CPPED1: variants seen among roughly 807,000 people sequenced by gnomAD.
CPPED1 encodes calcineurin like phosphoesterase domain containing 1, also known as serine/threonine-protein phosphatase CPPED1.
A neutral mutation model predicts 28.0 loss-of-function variants in CPPED1; 28 were observed. That is an observed-to-expected ratio of 1.00 (90% CI 0.74 to 1.37). CPPED1 has a LOEUF of 1.37. Among genes scored for constraint, CPPED1 ranks in the 40% most tolerant of loss-of-function variants. The probability of loss-of-function intolerance (pLI) is 0.00; values close to 1 mark genes in which losing one functional copy is unlikely to be tolerated. For synonymous variants in CPPED1, 198 were observed against 180.2 expected (o/e 1.10, Z -0.79); for missense variants, 504 against 416.5 (o/e 1.21, Z -1.83).
At chr16:12,795,419 A>G (rs564704919) in intron 1 of CPPED1, among the ~76,000 whole-genome samples, 49 of 152,048 alleles carry the variant, frequency 3.2e-4, no homozygotes, top group Non-Finnish European at 5.0e-4. Context: ...GGCTCACTGC[A>G]AACTCCGCCT....
chr16:12,676,758 T>G (rs1415751369), intron 3 of CPPED1, among the ~76,000 whole-genome samples: 7 of 152,084 alleles, frequency 4.6e-5, no homozygotes, highest in Non-Finnish European at 1.5e-5. Flanking sequence ...ATGGTGGTAA[T>G]AATAATAATG....
chr16:12,724,101 G>A (rs1025563910), intron 2 of CPPED1, among the ~76,000 whole-genome samples: 1 of 152,134 alleles, frequency 6.6e-6, no homozygotes, highest in African/African-American at 2.4e-5. Flanking sequence ...CCGGCCCCCA[G>A]GTTCCCTCTG....
chr16:12,714,784 A>AG (rs148253196), intron 2 of CPPED1, among the ~76,000 whole-genome samples: 5,149 of 152,258 alleles, frequency 0.034, 131 homozygotes, highest in East Asian at 0.1. Flanking sequence ...GAGGTACAAA[A>AG]TATTCAAGTT....
chr16:12,693,419 G>C (rs6498351), intron 3 of CPPED1, among the ~76,000 whole-genome samples: 30,490 of 151,978 alleles, frequency 0.2, 5,206 homozygotes, highest in African/African-American at 0.47. Flanking sequence ...TGGTCTCGAA[G>C]TCCTGGGCTC....
chr16:12,803,736 CT>C lies in CPPED1; in HGVS notation c.40del (p.Arg14GlyfsTer32). 1.3e-6 allele frequency: 2 copies of C among 1,596,152 alleles called. No individual in the cohort carries two copies. Among genetic ancestry groups the C allele is most frequent in the Non-Finnish European group, 1.7e-6 (2 of 1,172,746 alleles). ...AEAGGVFHRA[R>X]GRTLAAFPAE... ...GGGAAACGCGGCCAGGGTCCTGCCC[CT>C]GGCTCTGTGGAAAACACCCCCCGCC... is the stretch of plus-strand genomic sequence containing the variant. On this transcript the variant is annotated frameshift_variant, in exon 1 of 4. Coordinates refer to ENST00000381774, the MANE Select transcript of CPPED1 (RefSeq NM_018340.3). LOFTEE classifies it high-confidence loss of function.
intron 3 of CPPED1, among the ~76,000 whole-genome samples, chr16:12,687,533 G>A (rs1162627124): frequency 2.0e-5 from 3 of 152,188 alleles, no homozygotes; most frequent in Non-Finnish European, 4.4e-5. Flanking sequence ...CACTTTGGGA[G>A]GCTGAGGTGG....
chr16:12,790,326 CAATGTT>C (rs2080588698), intron 1 of CPPED1, among the ~76,000 whole-genome samples: 1 of 152,140 alleles, frequency 6.6e-6, no homozygotes, highest in Non-Finnish European at 1.5e-5. Context: ...GCATATTTGT[CAATGTT>C]AATGAAAGCT....
chr16:12,675,323 A>G (rs1032528116), intron 3 of CPPED1, among the ~76,000 whole-genome samples: 3 of 152,200 alleles, frequency 2.0e-5, no homozygotes, highest in African/African-American at 7.2e-5. Flanking sequence ...CTGTAAGGAG[A>G]TGACAGGCAT....
At chr16:12,675,965 A>G (rs935306355) in intron 3 of CPPED1, among the ~76,000 whole-genome samples, 1 of 152,200 alleles carries the variant, frequency 6.6e-6, no homozygotes, top group African/African-American at 2.4e-5. Context: ...CCAGGGGGCA[A>G]AGGGGAAGCG....
At chr16:12,768,590 A>G (rs973808865) in intron 2 of CPPED1, among the ~76,000 whole-genome samples, 1 of 152,234 alleles carries the variant, frequency 6.6e-6, no homozygotes, top group Non-Finnish European at 1.5e-5. Flanking sequence ...GAACAAGAGT[A>G]TGTGCGTATG....
intron 2 of CPPED1, among the ~76,000 whole-genome samples, chr16:12,774,923 C>G (rs1324470498): frequency 6.6e-6 from 1 of 152,126 alleles, no homozygotes; most frequent in Non-Finnish European, 1.5e-5. Flanking sequence ...CAGGTTCAAG[C>G]AATCCTCTCG....
intron 2 of CPPED1, chr16:12,780,956 C>T (rs2080526746): frequency 1.8e-6 from 1 of 550,718 alleles, no homozygotes; most frequent in Non-Finnish European, 3.2e-6. Context: ...AAGCTCAAAT[C>T]ATCAGAACTG....
At chr16:12,681,598 T>C (rs2079905203) in intron 3 of CPPED1, among the ~76,000 whole-genome samples, 1 of 152,158 alleles carries the variant, frequency 6.6e-6, no homozygotes, top group Admixed American at 6.5e-5. Flanking sequence ...TAATTAAAAC[T>C]AAGAATGTGG....
chr16:12,714,927 C>A (rs2080099456), intron 2 of CPPED1, among the ~76,000 whole-genome samples: 1 of 151,418 alleles, frequency 6.6e-6, no homozygotes, highest in African/African-American at 2.4e-5. Context: ...CTAGTTTTAG[C>A]TCTTCTTTGG....
intron 2 of CPPED1, among the ~76,000 whole-genome samples, chr16:12,724,440 G>A (rs1055081937): frequency 1.3e-5 from 2 of 152,132 alleles, no homozygotes; most frequent in African/African-American, 2.4e-5. Context: ...TGAGTGGCCC[G>A]TGCAATCCAT....
In CPPED1 at chr16:12,670,655, CAGTCTAATCCAGAGAAAAACATCAG is replaced by C. The variant is rs930123532; in HGVS notation, c.716-5565_716-5541del. Among the ~76,000 whole-genome samples the C allele has an allele frequency of 1.2e-4, 18 of 152,150 alleles. No individual in the cohort carries two copies. The highest frequency in any genetic ancestry group is 6.5e-5 in the Admixed American group (1 of 15,284). On this transcript the variant is annotated intron_variant, in intron 3 of 3. Coordinates refer to ENST00000381774, the MANE Select transcript of CPPED1 (RefSeq NM_018340.3). This position sits in a 1 kb window ranked among gnomAD's most constrained non-coding sequence, Gnocchi z 4.2. Reference sequence around the variant, plus strand: ...TCTTCCTCTCCCAAATCCATCACCCCAGTCTAATCCAGAGAAAAACATCAGACACATTCCCAAGAGAGACACATTG... The same window carrying C: ...TCTTCCTCTCCCAAATCCATCACCCCACACATTCCCAAGAGAGACACATTG...
At chr16:12,720,475 G>A (rs1303942089) in intron 2 of CPPED1, 1 of 152,768 alleles carries the variant, frequency 6.5e-6, no homozygotes, top group Non-Finnish European at 1.5e-5. Context: ...TATTAACAAA[G>A]TGTTTTATTA....
intron 2 of CPPED1, among the ~76,000 whole-genome samples, chr16:12,762,907 C>T (rs938883906): frequency 6.6e-6 from 1 of 151,492 alleles, no homozygotes; most frequent in Non-Finnish European, 1.5e-5. Context: ...CCACACCCAG[C>T]TAATTAAAAA....
At chr16:12,711,555 T>C (rs1006317795) in intron 2 of CPPED1, among the ~76,000 whole-genome samples, 1 of 152,206 alleles carries the variant, frequency 6.6e-6, no homozygotes, top group Non-Finnish European at 1.5e-5. Context: ...AATATACTCA[T>C]GATCCCTCCA....
Sources: allele counts gnomAD v4.1 joint callset (sites outside exome capture counted in the v4.1 genomes callset), GRCh38; gene constraint gnomAD v4.1.1; non-coding constraint Gnocchi (gnomAD v3.1); transcripts MANE v1.5; gene names NCBI Gene and HGNC (gene_info 2026-07-23, HGNC 2026-07-21).